Variants in AHI1 observed in about 807,000 individuals in gnomAD.
The protein encoded by AHI1 is jouberin.
AHI1 carries 123 observed loss-of-function variants against 149.3 expected under a neutral mutation model. The observed-to-expected ratio is 0.82, with a 90% CI of 0.71 to 0.96. The LOEUF is 0.96. Ranked by LOEUF, AHI1 falls within the 40% of genes least tolerant of loss-of-function variation. AHI1 has a pLI of 0.00. For missense variants in AHI1, 1,439 were observed against 1,422.7 expected (o/e 1.01, Z -0.18); for synonymous variants, 475 against 459.8 (o/e 1.03, Z -0.42).
rs147752855 is a variant in AHI1, at chr6:135,352,602, T to C, written c.3165+5530A>G. Among the ~76,000 whole-genome samples the C allele has an allele frequency of 1.9e-3, 282 of 152,118 alleles. 1 individual carries two copies. The highest frequency in any genetic ancestry group is 6.5e-3 in the African/African-American group (271 of 41,524). ...CAGTAACATGACATCCCTTCCGTTA[T>C]TGCTCTGAATTTTTTATTCATTTCA... On this transcript the variant is annotated intron_variant, in intron 24 of 28. Coordinates refer to ENST00000265602, the MANE Select transcript of AHI1 (RefSeq NM_001134831.2).
intron 4 of AHI1, among the ~76,000 whole-genome samples, chr6:135,491,208 G>T (rs933306779): frequency 1.3e-5 from 2 of 152,156 alleles, no homozygotes; most frequent in Admixed American, 6.5e-5. Context: ...AAAACATGAA[G>T]AAGATAATGC....
intron 19 of AHI1, among the ~76,000 whole-genome samples, chr6:135,428,331 TC>T (rs1301924989): frequency 2.0e-5 from 3 of 151,644 alleles, no homozygotes; most frequent in Non-Finnish European, 4.4e-5. Flanking sequence ...TGTGTTAGCC[TC>T]CATTAAACGC....
intron 24 of AHI1, among the ~76,000 whole-genome samples, chr6:135,342,334 A>C (rs1790504358): frequency 6.6e-5 from 10 of 151,982 alleles, no homozygotes; most frequent in Admixed American, 6.5e-4. Context: ...AATTGTACCA[A>C]ATGTTTAAAC....
intron 24 of AHI1, among the ~76,000 whole-genome samples, chr6:135,325,969 G>T (rs1396151349): frequency 2.0e-5 from 3 of 152,278 alleles, no homozygotes; most frequent in East Asian, 3.9e-4. Context: ...ACACACAGGG[G>T]TGTCTTGATA....
chr6:135,292,379 C>A (rs539699473), intron 27 of AHI1, among the ~76,000 whole-genome samples: 1 of 152,292 alleles, frequency 6.6e-6, no homozygotes, highest in South Asian at 2.1e-4. Context: ...AATCTATATA[C>A]AATCTATCAA....
intron 18 of AHI1, among the ~76,000 whole-genome samples, chr6:135,429,407 A>T (rs543163089): frequency 1.1e-4 from 17 of 151,742 alleles, no homozygotes; most frequent in African/African-American, 3.9e-4. Context: ...CTTTTTCAGG[A>T]AGGATATTTC....
intron 23 of AHI1, among the ~76,000 whole-genome samples, chr6:135,363,904 C>G (rs1211613855): frequency 1.4e-5 from 2 of 147,024 alleles, no homozygotes. Context: ...TGACCCCCCC[C>G]ACCTCCCTCC....
In AHI1 at chr6:135,323,302, G is replaced by A. The variant is rs375281757; in HGVS notation, c.3188C>T (p.Thr1063Ile). 1.6e-5 allele frequency: 26 copies of A among 1,613,426 alleles called. 1 individual carries two copies. Among genetic ancestry groups the A allele is most frequent in the Non-Finnish European group, 2.2e-5 (26 of 1,179,716 alleles). Residue 1063 changes from threonine to isoleucine, a missense_variant, in exon 25 of 29, where the codon ACA becomes ATA. By Grantham distance (89) the Thr-to-Ile change is moderately conservative. Transcript: ENST00000265602. ...GGTTAGTTCATCTGATCGATTCGCT[G>A]TGTAGTCATAAAGAGCCACTACCTA... is the stretch of plus-strand genomic sequence containing the variant. ...APTVVALYDY[T>I]ANRSDELTIH... is the part of the protein sequence containing the mutation.
chr6:135,295,838 C>T (rs544896025), intron 27 of AHI1, among the ~76,000 whole-genome samples: 3 of 151,998 alleles, frequency 2.0e-5, no homozygotes, highest in South Asian at 2.1e-4. Context: ...AAACTTAAAC[C>T]GTTTATTTTA....
chr6:135,397,043 C>T (rs189541912), intron 22 of AHI1, among the ~76,000 whole-genome samples: 3 of 151,722 alleles, frequency 2.0e-5, no homozygotes, highest in African/African-American at 7.2e-5. Flanking sequence ...TATGTTCTTC[C>T]TAAACATTTT....
In AHI1 at chr6:135,323,300, CTG is replaced by C; in HGVS notation, c.3188_3189del (p.Thr1063SerfsTer6). ...ATGGTTAGTTCATCTGATCGATTCG[CTG>C]TGTAGTCATAAAGAGCCACTACCTA... ...APTVVALYDY[T>X]ANRSDELTIH... On this transcript the variant is annotated frameshift_variant, in exon 25 of 29. Coordinates refer to ENST00000265602, the MANE Select transcript of AHI1 (RefSeq NM_001134831.2). LOFTEE classifies it high-confidence loss of function. 1 of 1,613,610 alleles carries C rather than the reference CTG, an allele frequency of 6.2e-7. No individual in the cohort carries two copies.
chr6:135,442,515 T>TA (rs1044077357), intron 14 of AHI1, 67 bp downstream of exon 14: 3 of 1,462,576 alleles, frequency 2.1e-6, no homozygotes, highest in East Asian at 2.5e-5. Flanking sequence ...TCCATGAATT[T>TA]AAAAAAACTA....
chr6:135,347,648 T>G (rs551480822), intron 24 of AHI1, among the ~76,000 whole-genome samples: 57 of 152,348 alleles, frequency 3.7e-4, no homozygotes, highest in Non-Finnish European at 7.2e-4. Flanking sequence ...CAATAAATGT[T>G]AGGTACAATT....
At chr6:135,323,046 A>G (rs1787111708) in intron 25 of AHI1, 116 bp downstream of exon 25, 1 of 1,113,630 alleles carries the variant, frequency 9.0e-7, no homozygotes, top group Admixed American at 3.1e-5. Flanking sequence ...AACAATACCC[A>G]TTGGTAAACA....
At chr6:135,352,479 C>T (rs899999545) in intron 24 of AHI1, among the ~76,000 whole-genome samples, 1 of 152,048 alleles carries the variant, frequency 6.6e-6, no homozygotes. Flanking sequence ...TTAGCACTTG[C>T]CGACTCTAAA....
intron 23 of AHI1, among the ~76,000 whole-genome samples, chr6:135,379,057 T>C (rs1487408528): frequency 6.6e-6 from 1 of 152,182 alleles, no homozygotes; most frequent in Non-Finnish European, 1.5e-5. Flanking sequence ...AAATACACTG[T>C]ATAGTTCCTA....
At chr6:135,367,950 T>C (rs186263295) in intron 23 of AHI1, among the ~76,000 whole-genome samples, 3 of 152,278 alleles carry the variant, frequency 2.0e-5, no homozygotes, top group Non-Finnish European at 4.4e-5. Flanking sequence ...ACCAGAATTG[T>C]TTTTCTGGCT....
intron 8 of AHI1, among the ~76,000 whole-genome samples, chr6:135,462,445 A>G (rs776208347): frequency 4.6e-5 from 7 of 152,168 alleles, no homozygotes; most frequent in Non-Finnish European, 8.8e-5. Flanking sequence ...TGCAGCCTTA[A>G]CATCAGAAAT....
chr6:135,302,322 G>T, intron 26 of AHI1: 1 of 985,636 alleles, frequency 1.0e-6, no homozygotes, highest in Non-Finnish European at 1.2e-6. Flanking sequence ...TCCAGAGGTT[G>T]AGGGGAGAGA....
Sources: allele counts gnomAD v4.1 joint callset (sites outside exome capture counted in the v4.1 genomes callset), GRCh38; gene constraint gnomAD v4.1.1; transcripts MANE v1.5; gene names NCBI Gene and HGNC (gene_info 2026-07-23, HGNC 2026-07-21).